Variants in G6PD observed in about 807,000 individuals in gnomAD.
G6PD encodes glucose-6-phosphate dehydrogenase, also known as glucose-6-phosphate 1-dehydrogenase.
In G6PD, 2 loss-of-function variants were observed where a neutral mutation model predicts 38.2. That is an observed-to-expected ratio of 0.05 (90% CI 0.02 to 0.16). The LOEUF is 0.16. G6PD is among the 10% of genes least tolerant of loss of function. G6PD has a pLI of 1.00. For missense variants in G6PD, 310 were observed against 471.6 expected, an observed-to-expected ratio of 0.66 and a Z score of 3.17; for synonymous variants, 188 against 196.0, an observed-to-expected ratio of 0.96 and a Z score of 0.34.
intron 11 of G6PD, 30 bp from the exon 12 acceptor site, chrX:154,532,310 C>T (rs377693060): frequency 7.9e-5 from 95 of 1,208,382 alleles, no homozygotes; most frequent in East Asian, 1.5e-4. Context: ...CTTGGGAGGC[C>T]GGTGGCACAC....
intron 2 of G6PD, among the ~76,000 whole-genome samples, chrX:154,539,498 G>A (rs1326292214): frequency 9.0e-6 from 1 of 111,007 alleles, no homozygotes; most frequent in Non-Finnish European, 1.9e-5. Flanking sequence ...TAAGATTTGC[G>A]CACCAACAAA....
intron 2 of G6PD, among the ~76,000 whole-genome samples, chrX:154,542,076 T>C (rs1332353866): frequency 1.8e-5 from 2 of 112,367 alleles, no homozygotes; most frequent in Non-Finnish European, 3.8e-5. Context: ...CTCCCTGCTA[T>C]ACCCGGGGGC....
intron 8 of G6PD, 196 bp downstream of exon 8, chrX:154,533,380 G>C: frequency 1.9e-6 from 1 of 518,354 alleles, no homozygotes; most frequent in Non-Finnish European, 3.2e-6. Context: ...CATAGTGACT[G>C]TCAGGCCTGG....
rs370403856 is a variant in G6PD, at chrX:154,534,525, C to A, written c.486-29G>T. Reference sequence around the variant, plus strand: ...CTGGGAGCCCGGAGCTGCGTTACCCCCTTGAACCCCTCTTCGGGGAGTGAG... The same window carrying A: ...CTGGGAGCCCGGAGCTGCGTTACCCACTTGAACCCCTCTTCGGGGAGTGAG... On this transcript the variant is annotated intron_variant, in intron 5 of 12. Coordinates refer to ENST00000393562, the MANE Select transcript of G6PD (RefSeq NM_001360016.2). 239 of 1,206,130 alleles carry A rather than the reference C, an allele frequency of 2.0e-4. 1 individual carries two copies. In the South Asian group the frequency reaches 2.2e-3, roughly 11 times the overall value.
At position 154,531,970 on chromosome X, in the gene G6PD, G is replaced by T; in HGVS notation, c.*30C>A. 1 of 1,192,924 alleles carries T rather than the reference G, an allele frequency of 8.4e-7. No homozygotes were observed. The highest frequency in any genetic ancestry group is 1.1e-6 in the Non-Finnish European group (1 of 886,034). On this transcript the variant is annotated 3_prime_UTR_variant, in exon 13 of 13. Coordinates refer to ENST00000393562, the MANE Select transcript of G6PD (RefSeq NM_001360016.2). ...TCGGGCGGCGGGAAGGAGGGTGGCCGTGGCGGGGGTGGAGGTGGGTGCCCA... is the reference window on the plus strand; with the variant it reads ...TCGGGCGGCGGGAAGGAGGGTGGCCTTGGCGGGGGTGGAGGTGGGTGCCCA...
upstream of G6PD, chrX:154,547,085 C>G (rs1178551262): frequency 2.5e-5 from 4 of 160,650 alleles, no homozygotes; most frequent in Non-Finnish European, 3.4e-5. Flanking sequence ...CTCTGCATCC[C>G]CAATTCCGGC....
At chrX:154,545,904 C>T (rs1318954480) in intron 2 of G6PD, 132 bp downstream of exon 2, 2 of 784,701 alleles carry the variant, frequency 2.5e-6, no homozygotes, top group South Asian at 2.1e-5. Context: ...ATGATCCTGG[C>T]GCACTAGCAG....
chrX:154,535,819 G>A (rs1304492643), intron 4 of G6PD, 118 bp downstream of exon 4: 3 of 587,506 alleles, frequency 5.1e-6, no homozygotes, highest in Non-Finnish European at 8.6e-6. Flanking sequence ...AGGCGGGGCG[G>A]GGCAGGAGAG....
In G6PD at chrX:154,535,927, C is replaced by A. The variant is rs782242426; in HGVS notation, c.267+10G>T. The A allele has an allele frequency of 8.3e-7, 1 of 1,199,296 alleles. No individual in the cohort carries two copies. Among genetic ancestry groups the A allele is most frequent in the Non-Finnish European group, 1.1e-6 (1 of 884,464 alleles). On this transcript the variant is annotated intron_variant, in intron 4 of 12. Coordinates refer to ENST00000393562, the MANE Select transcript of G6PD (RefSeq NM_001360016.2). ...AGAACCAGGCTGGGGGAGGCCCTGA[C>A]ACCACCCACCTTGAAGAAGGGCTCA...
At position 154,531,889 on chromosome X, in the gene G6PD, C is replaced by T; in HGVS notation, c.*111G>A. ...GGGGCGGGCCAGGGTGGCCAGAGCCCGGGGCCAGGAATGTGCAGCTGAGGT... is the reference window on the plus strand; with the variant it reads ...GGGGCGGGCCAGGGTGGCCAGAGCCTGGGGCCAGGAATGTGCAGCTGAGGT... On this transcript the variant is annotated 3_prime_UTR_variant, in exon 13 of 13. Coordinates refer to ENST00000393562, the MANE Select transcript of G6PD (RefSeq NM_001360016.2). 2 of 1,109,414 alleles carry T rather than the reference C, an allele frequency of 1.8e-6. No homozygotes were observed. The highest frequency in any genetic ancestry group is 2.4e-6 in the Non-Finnish European group (2 of 835,212). The allele number at this position is 1,109,414 out of a possible 1,213,427, so 91.4% of individuals were successfully genotyped here. A position where few individuals can be genotyped will look rare whatever the true frequency, so the allele number is the denominator to read the frequency against.
At chrX:154,546,202 G>A in intron 1 of G6PD, 39 bp from the exon 2 acceptor site, 1 of 1,207,315 alleles carries the variant, frequency 8.3e-7, no homozygotes, top group Non-Finnish European at 1.1e-6. Context: ...CAGAAGAACA[G>A]GAGAGCATTG....
rs2148329856 is a variant in G6PD, at chrX:154,533,583, T to C, written c.857A>G (p.Asp286Gly). 1 of 1,211,801 alleles carries C rather than the reference T, an allele frequency of 8.3e-7. No homozygotes were observed. Among genetic ancestry groups the C allele is most frequent in the South Asian group, 1.8e-5 (1 of 56,999 alleles). Residue 286 changes from aspartate to glycine, a missense_variant, in exon 8 of 13, where the codon GAT (aspartate) becomes GGT (glycine). Coordinates refer to ENST00000393562, the MANE Select transcript of G6PD (RefSeq NM_001360016.2). ...PASTNSDDVR[D>G]EKVKVLKCIS... ...CTGGGGTGCACCCCCTACCTTCTCA[T>C]CACGGACGTCATCTGAGTTGGTGGA...
chrX:154,534,009 T>G (rs1557230181), intron 7 of G6PD, 26 bp downstream of exon 7: 1 of 1,211,041 alleles, frequency 8.3e-7, no homozygotes, highest in Non-Finnish European at 1.1e-6. Context: ...TGTGCCAGCC[T>G]CCCAGGAGAG....
chrX:154,540,781 C>T (rs960560876), intron 2 of G6PD, among the ~76,000 whole-genome samples: 11 of 111,871 alleles, frequency 9.8e-5, no homozygotes, highest in South Asian at 7.4e-4. Context: ...GTTAGGAAGC[C>T]ACCACAGGGC....
At chrX:154,546,572 C>T (rs2070723770) in intron 1 of G6PD, among the ~76,000 whole-genome samples, 1 of 110,834 alleles carries the variant, frequency 9.0e-6, no homozygotes, top group Admixed American at 9.4e-5. Flanking sequence ...TCCAGCCCTC[C>T]CCTTGCCAAG....
intron 2 of G6PD, among the ~76,000 whole-genome samples, chrX:154,539,625 TTC>T (rs1284446905): frequency 4.5e-5 from 5 of 111,184 alleles, no homozygotes; most frequent in African/African-American, 1.6e-4. Flanking sequence ...GCAGAGCATA[TTC>T]TGTTTCTTGA....
chrX:154,532,332 G>A, intron 11 of G6PD, 52 bp from the exon 12 acceptor site: 3 of 1,207,949 alleles, frequency 2.5e-6, no homozygotes, highest in Non-Finnish European at 3.4e-6. Context: ...GGGAGGGAGG[G>A]CAAAGGCCAC....
upstream of G6PD, chrX:154,547,442 A>T: frequency 1.3e-6 from 1 of 754,978 alleles, no homozygotes; most frequent in Non-Finnish European, 1.6e-6. Context: ...GACGCCCTGC[A>T]AAGTGGCCGG....
At chrX:154,546,322 GT>G in intron 1 of G6PD, 159 bp from the exon 2 acceptor site, 1 of 666,346 alleles carries the variant, frequency 1.5e-6, no homozygotes, top group Non-Finnish European at 2.3e-6. Context: ...TGGTTGATGG[GT>G]TAGAAACTGC....
Sources: gnomAD v4.1 joint callset for allele counts (sites outside exome capture counted in the v4.1 genomes callset) on GRCh38, gnomAD v4.1.1 for gene constraint, MANE v1.5 for transcripts, NCBI Gene and HGNC (gene_info 2026-07-23, HGNC 2026-07-21) for gene names.